AP3B1: variants seen among roughly 807,000 people sequenced by gnomAD.
The protein encoded by AP3B1 is adaptor related protein complex 3 subunit beta 1.
A neutral mutation model predicts 132.5 loss-of-function variants in AP3B1; 61 were observed. The observed-to-expected ratio is 0.46, with a 90% CI of 0.37 to 0.57. AP3B1 has a LOEUF of 0.57. AP3B1 is among the 20% of genes least tolerant of loss of function. AP3B1 has a pLI of 0.00. For missense variants in AP3B1, 1,120 were observed against 1,289.4 expected (o/e 0.87, Z 2.01); for synonymous variants, 388 against 438.3 (o/e 0.89, Z 1.43).
chr5:78,294,363 C>A, intron 1 of AP3B1, 89 bp downstream of exon 1: 2 of 1,597,714 alleles, frequency 1.3e-6, no homozygotes, highest in South Asian at 1.1e-5. Context: ...GGCGACCCCG[C>A]TCCTCTCCAG....
intron 14 of AP3B1, among the ~76,000 whole-genome samples, chr5:78,146,918 C>A (rs187950394): frequency 6.6e-6 from 1 of 152,158 alleles, no homozygotes; most frequent in Admixed American, 6.5e-5. Context: ...AATCTTTAAG[C>A]TTCCTTTATG....
chr5:78,213,107 CTGACCTCG>C (rs1745816702), intron 7 of AP3B1, among the ~76,000 whole-genome samples: 1 of 151,934 alleles, frequency 6.6e-6, no homozygotes, highest in Non-Finnish European at 1.5e-5. Context: ...TCTTGATCTC[CTGACCTCG>C]TGATAAGCCC....
intron 7 of AP3B1, among the ~76,000 whole-genome samples, chr5:78,196,628 T>C (rs1745087276): frequency 6.6e-6 from 1 of 152,124 alleles, no homozygotes; most frequent in African/African-American, 2.4e-5. Context: ...TGTCTTTCAG[T>C]AGGTGAGTGG....
At chr5:78,244,905 GA>G in intron 2 of AP3B1, among the ~76,000 whole-genome samples, 1 of 152,188 alleles carries the variant, frequency 6.6e-6, no homozygotes, top group East Asian at 1.9e-4. Flanking sequence ...TGAGGCACGA[GA>G]ATCGCTTGAA....
chr5:78,225,749 T>C (rs1746374508), intron 5 of AP3B1, 141 bp from the exon 6 acceptor site: 1 of 582,844 alleles, frequency 1.7e-6, no homozygotes, highest in South Asian at 2.2e-5. Context: ...GAAAAACAAA[T>C]AAAATGGGAT....
chr5:78,020,219 G>A (rs1460969681), intron 25 of AP3B1, among the ~76,000 whole-genome samples: 1 of 152,076 alleles, frequency 6.6e-6, no homozygotes, highest in Non-Finnish European at 1.5e-5. Context: ...GAAACTAGAA[G>A]TATTTTAATG....
At chr5:78,106,462 A>AAAAGAAAG (rs140246615) in intron 20 of AP3B1, among the ~76,000 whole-genome samples, 132 of 151,268 alleles carry the variant, frequency 8.7e-4, no homozygotes, top group East Asian at 5.6e-3. Flanking sequence ...TGTCTCAAAA[A>AAAAGAAAG]AAAGAAAGAA....
intron 22 of AP3B1, among the ~76,000 whole-genome samples, chr5:78,082,902 G>A (rs541617543): frequency 7.9e-5 from 12 of 151,796 alleles, no homozygotes; most frequent in African/African-American, 2.4e-4. Context: ...TGCAACCTCC[G>A]CCTTCCGGGT....
rs1368411857 is a variant in AP3B1 at position 78,181,647 on chromosome 5, C to G, written c.802G>C (p.Asp268His). ...GATTCGTAGAAATTCTTTCCATTGTCTTCTAATTCATCACCCTACAATGAA... is the reference window on the plus strand; with the variant it reads ...GATTCGTAGAAATTCTTTCCATTGTGTTCTAATTCATCACCCTACAATGAA... The part of the protein sequence containing the change: ...SPWKEGDELE[D>H]NGKNFYESDD... The change falls in exon 8 of 27, where the codon GAC (aspartate) becomes CAC (histidine). Residue 268 changes from aspartate (D) to histidine (H), a missense_variant. Coordinates refer to ENST00000255194, the MANE Select transcript of AP3B1 (RefSeq NM_003664.5). 1 of 1,612,028 alleles carries G rather than the reference C, an allele frequency of 6.2e-7. No individual in the cohort carries two copies. Among genetic ancestry groups the G allele is most frequent in the East Asian group, 2.2e-5 (1 of 44,758 alleles).
intron 20 of AP3B1, among the ~76,000 whole-genome samples, chr5:78,109,746 TTA>T (rs1351831751): frequency 6.6e-6 from 1 of 152,048 alleles, no homozygotes; most frequent in Non-Finnish European, 1.5e-5. Context: ...TATTATTTTA[TTA>T]TATAAGTGGT....
chr5:78,175,672 C>A lies in AP3B1; in HGVS notation c.1121G>T (p.Ser374Ile). The A allele has an allele frequency of 6.2e-7, 1 of 1,613,486 alleles. No homozygotes were observed. Among genetic ancestry groups the A allele is most frequent in the Non-Finnish European group, 8.5e-7 (1 of 1,179,622 alleles). ...TGGATCAGTTGACCTAACATAGAAA[C>A]TCTTCAGATAAGGTTCAAACATCCC... is the stretch of plus-strand genomic sequence containing the variant. ...RKGMFEPYLK[S>I]FYVRSTDPTM... The change falls in exon 11 of 27, where the codon AGT becomes ATT. Residue 374 changes from serine to isoleucine, a missense_variant. By Grantham distance (142) the Ser-to-Ile change is moderately radical (BLOSUM62 -2). Coordinates refer to ENST00000255194, the MANE Select transcript of AP3B1 (RefSeq NM_003664.5).
intron 22 of AP3B1, among the ~76,000 whole-genome samples, chr5:78,070,257 A>G (rs1226790459): frequency 1.3e-5 from 2 of 151,840 alleles, no homozygotes; most frequent in African/African-American, 2.4e-5. Context: ...AAATACAAAA[A>G]TTAGCCAGGT....
chr5:78,094,031 T>C (rs890187756), intron 21 of AP3B1, among the ~76,000 whole-genome samples: 1 of 152,236 alleles, frequency 6.6e-6, no homozygotes, highest in Non-Finnish European at 1.5e-5. Context: ...TTATTTGAAG[T>C]ATGATTATTG....
At chr5:78,241,835 C>T (rs1386748654) in intron 2 of AP3B1, among the ~76,000 whole-genome samples, 1 of 152,200 alleles carries the variant, frequency 6.6e-6, no homozygotes, top group East Asian at 1.9e-4. Context: ...AAATGGCATT[C>T]ATGATAAAAT....
intron 11 of AP3B1, among the ~76,000 whole-genome samples, chr5:78,170,680 G>A (rs1333445266): frequency 6.6e-6 from 1 of 152,140 alleles, no homozygotes; most frequent in Non-Finnish European, 1.5e-5. Context: ...CATTCTGTAG[G>A]TGGCCTGTTC....
intron 1 of AP3B1, among the ~76,000 whole-genome samples, chr5:78,270,504 G>A (rs1748504219): frequency 6.6e-6 from 1 of 152,142 alleles, no homozygotes; most frequent in Non-Finnish European, 1.5e-5. Flanking sequence ...ATTCAACGAA[G>A]GGAAGGCTGG....
chr5:78,039,812 A>C (rs897256202), intron 22 of AP3B1, among the ~76,000 whole-genome samples: 1 of 151,140 alleles, frequency 6.6e-6, no homozygotes, highest in African/African-American at 2.4e-5. Context: ...AGAAAAAAAA[A>C]AGAAATTTTT....
intron 22 of AP3B1, among the ~76,000 whole-genome samples, chr5:78,084,563 G>T (rs1188989868): frequency 6.8e-6 from 1 of 147,410 alleles, no homozygotes; most frequent in Admixed American, 6.8e-5. Context: ...AAGAGAAAAG[G>T]AAGAGGAAAA....
At chr5:78,101,077 T>C (rs1363966705) in intron 20 of AP3B1, 52 bp from the exon 21 acceptor site, 2 of 1,140,144 alleles carry the variant, frequency 1.8e-6, no homozygotes, top group South Asian at 1.4e-5. Context: ...TAAAAATCTG[T>C]GGAGTAGTCC....
Sources: allele counts gnomAD v4.1 joint callset (sites outside exome capture counted in the v4.1 genomes callset), GRCh38; gene constraint gnomAD v4.1.1; transcripts MANE v1.5; gene names NCBI Gene and HGNC (gene_info 2026-07-23, HGNC 2026-07-21).